The following ITGB3 variants were observed in gnomAD, a reference collection of about 807,000 sequenced individuals.
The protein encoded by ITGB3 is integrin beta-3.
Under a neutral mutation model 85.8 loss-of-function variants are expected in ITGB3, and 48 were observed. That is an observed-to-expected ratio of 0.56 (90% CI 0.44 to 0.71). ITGB3 has a LOEUF of 0.71. Among genes scored for constraint, ITGB3 ranks in the 30% least tolerant of loss-of-function variants. ITGB3 has a pLI of 0.00. For missense variants in ITGB3, 861 were observed against 1,019.1 expected, an observed-to-expected ratio of 0.84 and a Z score of 2.11; for synonymous variants, 363 against 395.6, an observed-to-expected ratio of 0.92 and a Z score of 0.98.
chr17:47,299,538 T>C lies in ITGB3; in HGVS notation c.1913+8T>C. On this transcript the variant is annotated splice_region_variant and intron_variant, in intron 11 of 14. Transcript: ENST00000559488. The surrounding 1 kb of genome is among the most constrained non-coding windows in gnomAD (Gnocchi z 5.1). ...TGCCTGCACCTTTAAGAAGTGAGTG[T>C]GGAGTCTGGAGAGAGCCGGGAGGCT... is the stretch of plus-strand genomic sequence containing the variant. 2 of 1,612,842 alleles carry C rather than the reference T, an allele frequency of 1.2e-6. No individual in the cohort carries two copies. The highest frequency in any genetic ancestry group is 2.2e-5 in the South Asian group (2 of 91,048).
intron 13 of ITGB3, among the ~76,000 whole-genome samples, chr17:47,306,881 T>C (rs1327626584): frequency 6.6e-6 from 1 of 152,172 alleles, no homozygotes; most frequent in Non-Finnish European, 1.5e-5. Flanking sequence ...GGTTTCACCA[T>C]GTTGGCCAGG....
At chr17:47,278,558 G>C (rs919573548) in intron 2 of ITGB3, among the ~76,000 whole-genome samples, 1 of 151,440 alleles carries the variant, frequency 6.6e-6, no homozygotes, top group Non-Finnish European at 1.5e-5. Context: ...ACTCTAGCCT[G>C]GGCAACAAGA....
intron 1 of ITGB3, among the ~76,000 whole-genome samples, chr17:47,257,814 A>G (rs1183767615): frequency 6.6e-6 from 1 of 152,166 alleles, no homozygotes; most frequent in Non-Finnish European, 1.5e-5. Flanking sequence ...GAAGGGCAAC[A>G]TTCTCCTTTC....
intron 14 of ITGB3, 106 bp from the exon 15 acceptor site, chr17:47,310,033 C>G (rs1420300325): frequency 1.1e-6 from 1 of 892,388 alleles, no homozygotes; most frequent in African/African-American, 1.6e-5. Context: ...ATGATGTATT[C>G]CAGAGAACGG....
chr17:47,256,397 C>A (rs1425191619), intron 1 of ITGB3, among the ~76,000 whole-genome samples: 1 of 152,048 alleles, frequency 6.6e-6, no homozygotes, highest in Non-Finnish European at 1.5e-5. Flanking sequence ...GCTGAGCTAG[C>A]CCCACACTCT....
chr17:47,304,938 G>A (rs1254329306), intron 13 of ITGB3, among the ~76,000 whole-genome samples: 2 of 152,012 alleles, frequency 1.3e-5, no homozygotes, highest in Non-Finnish European at 2.9e-5. Flanking sequence ...TGCTGAATCT[G>A]CCAACCCTAC....
At chr17:47,304,752 C>T (rs1034458880) in intron 13 of ITGB3, among the ~76,000 whole-genome samples, 21 of 152,048 alleles carry the variant, frequency 1.4e-4, no homozygotes, top group African/African-American at 4.6e-4. Flanking sequence ...GGATTACAGG[C>T]GCCCACCACC....
chr17:47,285,329 C>T (rs892914443), intron 4 of ITGB3, among the ~76,000 whole-genome samples: 1 of 152,106 alleles, frequency 6.6e-6, no homozygotes, highest in African/African-American at 2.4e-5. Flanking sequence ...TTCAAAGTTA[C>T]GGCCAGGTGG....
intron 13 of ITGB3, among the ~76,000 whole-genome samples, chr17:47,303,202 A>G (rs1291813490): frequency 6.6e-6 from 1 of 152,106 alleles, no homozygotes; most frequent in African/African-American, 2.4e-5. Context: ...GTGAGCTGAG[A>G]TCGCGCCACT....
At chr17:47,266,898 C>G (rs2065027607) in intron 1 of ITGB3, among the ~76,000 whole-genome samples, 1 of 152,022 alleles carries the variant, frequency 6.6e-6, no homozygotes, top group Non-Finnish European at 1.5e-5. Context: ...ATTCCTAACC[C>G]CATTTAGAAG....
At chr17:47,287,390 G>A (rs1001430284) in intron 6 of ITGB3, among the ~76,000 whole-genome samples, 159 bp downstream of exon 6, 1 of 152,162 alleles carries the variant, frequency 6.6e-6, no homozygotes, top group Non-Finnish European at 1.5e-5. Context: ...ACTGGACACC[G>A]TCATCCAGCA....
rs1203779884 is a variant in ITGB3, at chr17:47,313,231, C to G, written c.*3027C>G. ...TTAGGCGATCCACCTTCCTCGGCCT[C>G]CCACAGTGCTGGGATTACAAGTGTG... On this transcript the variant is annotated 3_prime_UTR_variant, in exon 15 of 15. Coordinates refer to ENST00000559488, the MANE Select transcript of ITGB3 (RefSeq NM_000212.3). Among the ~76,000 whole-genome samples, 1 of 152,218 alleles carries G rather than the reference C, an allele frequency of 6.6e-6. No homozygotes were observed. The highest frequency in any genetic ancestry group is 2.4e-5 in the African/African-American group (1 of 41,520).
chr17:47,285,897 AACTT>A (rs2065100776), intron 4 of ITGB3, among the ~76,000 whole-genome samples: 1 of 152,154 alleles, frequency 6.6e-6, no homozygotes, highest in East Asian at 1.9e-4. Flanking sequence ...TGTGTGTATG[AACTT>A]ACTTAAGTCT....
rs745516301 is a variant in ITGB3, at chr17:47,289,795, T to A, written c.1035+19T>A. 1.6e-5 allele frequency: 26 copies of A among 1,579,806 alleles called. No individual in the cohort carries two copies. The highest frequency in any genetic ancestry group is 3.3e-5 in the Admixed American group (2 of 59,938). On this transcript the variant is annotated intron_variant, in intron 7 of 14. Coordinates refer to ENST00000559488, the MANE Select transcript of ITGB3 (RefSeq NM_000212.3). ...CTATCAGGTGACTGTGCCTTCGGGC[T>A]TCCTGGAGTGGGCCCTGTGATGGTG...
intron 10 of ITGB3, among the ~76,000 whole-genome samples, chr17:47,295,342 G>A (rs2065141638): frequency 6.6e-6 from 1 of 152,016 alleles, no homozygotes; most frequent in Non-Finnish European, 1.5e-5. Context: ...TCTAGCTGTG[G>A]GGCTCGTGTT....
intron 1 of ITGB3, among the ~76,000 whole-genome samples, chr17:47,268,540 G>A (rs2065033618): frequency 6.6e-6 from 1 of 152,190 alleles, no homozygotes; most frequent in Non-Finnish European, 1.5e-5. Context: ...CTGAAATCCA[G>A]CAGGACAGTC....
At chr17:47,310,117 T>A in intron 14 of ITGB3, 22 bp from the exon 15 acceptor site, 2 of 1,609,530 alleles carry the variant, frequency 1.2e-6, no homozygotes, top group Non-Finnish European at 1.7e-6. Context: ...CACTGTAAGA[T>A]GCTATTCTGT....
chr17:47,300,368 T>TGTGTGTGTGTGTGTG, intron 11 of ITGB3, 110 bp from the exon 12 acceptor site: 1 of 778,054 alleles, frequency 1.3e-6, no homozygotes, highest in Non-Finnish European at 2.2e-6. Context: ...TGTGTGTGTG[T>TGTGTGTGTGTGTGTG]TTTAATGGAG....
chr17:47,286,978 C>G, intron 5 of ITGB3, 92 bp from the exon 6 acceptor site: 1 of 1,351,042 alleles, frequency 7.4e-7, no homozygotes, highest in East Asian at 2.3e-5. Flanking sequence ...AGCCCTTTAG[C>G]CAGGGAGCAC....
Sources: allele counts gnomAD v4.1 joint callset (sites outside exome capture counted in the v4.1 genomes callset), GRCh38; gene constraint gnomAD v4.1.1; non-coding constraint Gnocchi (gnomAD v3.1); transcripts MANE v1.5; gene names NCBI Gene and HGNC (gene_info 2026-07-23, HGNC 2026-07-21).